The following RRBP1 variants were observed in gnomAD, a reference collection of about 807,000 sequenced individuals.
RRBP1 encodes ribosome binding protein 1.
Under a neutral mutation model 165.2 loss-of-function variants are expected in RRBP1, and 94 were observed. The ratio of observed to expected loss-of-function variants is 0.57; its 90% CI spans 0.48 to 0.68. The LOEUF (loss-of-function observed/expected upper bound fraction) is 0.68, where lower values mean the gene tolerates loss of function less well. Among genes scored for constraint, RRBP1 ranks in the 30% least tolerant of loss-of-function variants. RRBP1 has a pLI of 0.00. For missense variants in RRBP1, 1,676 were observed against 1,763.0 expected (o/e 0.95, Z 0.88); for synonymous variants, 680 against 714.5 (o/e 0.95, Z 0.77).
intron 11 of RRBP1, among the ~76,000 whole-genome samples, chr20:17,627,128 G>T (rs1233365391): frequency 6.6e-6 from 1 of 152,192 alleles, no homozygotes; most frequent in Non-Finnish European, 1.5e-5. Flanking sequence ...GGCCACTCTG[G>T]AACGATGTGA....
intron 7 of RRBP1, among the ~76,000 whole-genome samples, chr20:17,634,322 G>A (rs1259962715): frequency 2.0e-5 from 3 of 152,192 alleles, no homozygotes; most frequent in African/African-American, 7.2e-5. Flanking sequence ...CAGGCCAGGC[G>A]GAGCTGGGAA....
intron 2 of RRBP1, among the ~76,000 whole-genome samples, chr20:17,669,593 T>G (rs1463528050): frequency 6.6e-6 from 1 of 152,276 alleles, no homozygotes; most frequent in Non-Finnish European, 1.5e-5. Context: ...TATGTGCTAA[T>G]GTATACCATT....
intron 3 of RRBP1, among the ~76,000 whole-genome samples, chr20:17,647,258 G>A (rs1049101034): frequency 6.6e-6 from 1 of 152,270 alleles, no homozygotes; most frequent in African/African-American, 2.4e-5. Flanking sequence ...AGGACACAGG[G>A]CCATAAGGCA....
intron 2 of RRBP1, among the ~76,000 whole-genome samples, chr20:17,665,106 A>G (rs2036844405): frequency 6.7e-6 from 1 of 148,638 alleles, no homozygotes; most frequent in Admixed American, 6.6e-5. Flanking sequence ...GTATACATAT[A>G]TATGTGGGGG....
rs1388919538 is a variant in RRBP1, at chr20:17,621,550, G to C, written c.3325-3C>G. ...TCCCTCAACTTGGAGGCCAGGTCCT[G>C]AGAGAGGGAAGAACAGGTGTTTAGT... On this transcript the variant is annotated splice_region_variant and splice_polypyrimidine_tract_variant and intron_variant, in intron 15 of 24. Transcript: ENST00000377813. The C allele has an allele frequency of 6.2e-7, 1 of 1,601,842 alleles. No individual in the cohort carries two copies. Among genetic ancestry groups the C allele is most frequent in the African/African-American group, 1.3e-5 (1 of 74,818 alleles).
At chr20:17,666,504 T>C (rs1274718295) in intron 2 of RRBP1, among the ~76,000 whole-genome samples, 1 of 152,244 alleles carries the variant, frequency 6.6e-6, no homozygotes, top group Non-Finnish European at 1.5e-5. Flanking sequence ...TTTCTGCATA[T>C]GTATAATTTA....
chr20:17,614,592 G>T, intron 24 of RRBP1, 145 bp downstream of exon 24: 2 of 1,017,670 alleles, frequency 2.0e-6, no homozygotes, highest in Non-Finnish European at 2.8e-6. Flanking sequence ...CACTACCTCC[G>T]CCCAGCTCTG....
At chr20:17,666,857 G>A (rs1430158443) in intron 2 of RRBP1, among the ~76,000 whole-genome samples, 1 of 76,822 alleles carries the variant, frequency 1.3e-5, no homozygotes, top group Non-Finnish European at 2.8e-5. Flanking sequence ...TTGAGTATTA[G>A]ATTTTACCAA....
intron 5 of RRBP1, among the ~76,000 whole-genome samples, chr20:17,636,951 A>G (rs2122337032): frequency 6.6e-6 from 1 of 152,294 alleles, no homozygotes; most frequent in South Asian, 2.1e-4. Flanking sequence ...TTGTGGGCTC[A>G]ATGTCAGGCC....
chr20:17,614,187 C>T lies in RRBP1; in HGVS notation c.4228G>A (p.Val1410Ile), dbSNP rs546731025. The change falls in exon 25 of 25, where the codon GTC becomes ATC. Residue 1410 changes from valine to isoleucine, a missense_variant. Val to Ile is a conservative substitution (Grantham distance 29). Around this residue, in one of 5 missense-constraint regions of RRBP1, gnomAD observed 1,184 missense variants for 1,167.1 expected, o/e 1.01. Transcript: ENST00000377813. ...TCTTTTTCCAAAGAGGAAACTCAGACAGAGGTGCCCTCCTTTGAGCTGCTG... is the reference window on the plus strand; with the variant it reads ...TCTTTTTCCAAAGAGGAAACTCAGATAGAGGTGCCCTCCTTTGAGCTGCTG... Reference protein sequence around the residue: ...DGSSSKEGTSV With the variant: ...DGSSSKEGTSI 2 of 1,613,914 alleles carry T rather than the reference C, an allele frequency of 1.2e-6. No homozygotes were observed. The highest frequency in any genetic ancestry group is 2.7e-5 in the African/African-American group (2 of 75,056).
chr20:17,674,716 C>T (rs1264915797), intron 2 of RRBP1, among the ~76,000 whole-genome samples: 1 of 152,048 alleles, frequency 6.6e-6, no homozygotes, highest in Non-Finnish European at 1.5e-5. Flanking sequence ...CTGAGATGCA[C>T]CACTGCACTC....
chr20:17,614,648 TC>T, intron 24 of RRBP1, 88 bp downstream of exon 24: 1 of 1,531,350 alleles, frequency 6.5e-7, no homozygotes, highest in Non-Finnish European at 8.9e-7. Context: ...GCTTGACGAC[TC>T]CGCCCAGCTC....
intron 3 of RRBP1, among the ~76,000 whole-genome samples, chr20:17,654,454 G>A (rs2036612233): frequency 6.6e-6 from 1 of 152,200 alleles, no homozygotes; most frequent in South Asian, 2.1e-4. Flanking sequence ...CTGATTCTGT[G>A]GAAAAGAAGT....
chr20:17,624,516 G>C (rs2035977983), intron 13 of RRBP1, 60 bp downstream of exon 13: 2 of 1,118,140 alleles, frequency 1.8e-6, no homozygotes, highest in Non-Finnish European at 2.7e-6. Context: ...ACGTCTTAGT[G>C]CATTTGTGCA....
chr20:17,627,728 CA>C, intron 9 of RRBP1, 46 bp from the exon 10 acceptor site: 10 of 1,529,672 alleles, frequency 6.5e-6, no homozygotes, highest in Non-Finnish European at 7.9e-6. Flanking sequence ...CTGCAAACCC[CA>C]GGGGGTGTGG....
intron 5 of RRBP1, 98 bp from the exon 6 acceptor site, chr20:17,636,827 A>G: frequency 6.9e-7 from 1 of 1,456,532 alleles, no homozygotes; most frequent in East Asian, 2.3e-5. Context: ...GAGGCTGGAG[A>G]GCAGAGCACA....
intron 2 of RRBP1, among the ~76,000 whole-genome samples, chr20:17,664,302 C>T (rs2036826336): frequency 6.6e-6 from 1 of 152,314 alleles, no homozygotes; most frequent in Non-Finnish European, 1.5e-5. Flanking sequence ...ACATCCCAGG[C>T]AAGACGCTAC....
intron 9 of RRBP1, among the ~76,000 whole-genome samples, chr20:17,629,554 C>A (rs2036105805): frequency 6.6e-6 from 1 of 151,680 alleles, no homozygotes; most frequent in Non-Finnish European, 1.5e-5. Flanking sequence ...ACAGGCCTTG[C>A]CCCCCACTTC....
chr20:17,639,784 T>G (rs2036315365), intron 5 of RRBP1, among the ~76,000 whole-genome samples: 1 of 151,432 alleles, frequency 6.6e-6, no homozygotes, highest in Non-Finnish European at 1.5e-5. Flanking sequence ...TTCCAGCTAC[T>G]TGGGAGGCTG....
Sources: gnomAD v4.1 joint callset for allele counts (sites outside exome capture counted in the v4.1 genomes callset) on GRCh38, gnomAD v4.1.1 for gene constraint, gnomAD v4.1.1 regional missense constraint, MANE v1.5 for transcripts, NCBI Gene and HGNC (gene_info 2026-07-23, HGNC 2026-07-21) for gene names.